The following RTL4 variants were observed in gnomAD, a reference collection of about 807,000 sequenced individuals.
RTL4 encodes retrotransposon Gag like 4, also known as retrotransposon Gag-like protein 4.
In RTL4, 4 loss-of-function variants were observed where a neutral mutation model predicts 5.3. The ratio of observed to expected loss-of-function variants is 0.75; its 90% CI spans 0.37 to 1.72. The LOEUF (loss-of-function observed/expected upper bound fraction) is 1.72. RTL4 is among the 40% of genes most tolerant of loss of function. The pLI, the probability that RTL4 is intolerant of heterozygous loss-of-function variation, is 0.04. For missense variants in RTL4, 260 were observed against 227.1 expected, an observed-to-expected ratio of 1.14 and a Z score of -0.93; for synonymous variants, 98 against 87.3, an observed-to-expected ratio of 1.12 and a Z score of -0.68.
chrX:112,144,761 G>A, the RTL4 span, among the ~76,000 whole-genome samples: 2 of 111,593 alleles, frequency 1.8e-5, no homozygotes, highest in Admixed American at 9.5e-5. Context: ...CAGGCCAAAC[G>A]CTCTTCTGTT....
the RTL4 span, among the ~76,000 whole-genome samples, chrX:112,210,751 GA>G: frequency 1.8e-5 from 2 of 111,668 alleles, no homozygotes; most frequent in Non-Finnish European, 3.8e-5. Context: ...CCGTCCAAGG[GA>G]AAAAAGGGGT....
the RTL4 span, among the ~76,000 whole-genome samples, chrX:112,267,166 T>G: frequency 9.0e-6 from 1 of 111,615 alleles, no homozygotes; most frequent in Non-Finnish European, 1.9e-5. Flanking sequence ...GGTTCCCTTC[T>G]TAACAAAACT....
chrX:112,310,802 T>C, the RTL4 span, among the ~76,000 whole-genome samples: 4 of 85,463 alleles, frequency 4.7e-5, no homozygotes, highest in Non-Finnish European at 6.4e-5. Flanking sequence ...TATATAATTC[T>C]ATATTATATA....
chrX:112,146,166 G>T, the RTL4 span, among the ~76,000 whole-genome samples: 1 of 111,647 alleles, frequency 9.0e-6, no homozygotes, highest in African/African-American at 3.3e-5. Flanking sequence ...AGCAATGCAG[G>T]GGGTGAGAAT....
At chrX:112,356,628 T>A in the RTL4 span, among the ~76,000 whole-genome samples, 3 of 109,817 alleles carry the variant, frequency 2.7e-5, no homozygotes, top group African/African-American at 1.0e-4. Flanking sequence ...ATCTCTTCTT[T>A]GAGTATTTTT....
At chrX:112,122,824 C>T in the RTL4 span, among the ~76,000 whole-genome samples, 2 of 110,603 alleles carry the variant, frequency 1.8e-5, no homozygotes, top group African/African-American at 6.6e-5. Context: ...TGTTTATATG[C>T]CTGTATATTG....
At chrX:112,172,889 G>A in the RTL4 span, among the ~76,000 whole-genome samples, 1 of 109,695 alleles carries the variant, frequency 9.1e-6, no homozygotes, top group Admixed American at 9.8e-5. Context: ...ATTATCCTCA[G>A]CAAACTAATG....
At chrX:112,226,759 C>G in the RTL4 span, among the ~76,000 whole-genome samples, 1 of 83,245 alleles carries the variant, frequency 1.2e-5, no homozygotes, top group African/African-American at 5.9e-5. Flanking sequence ...ACTTCGCATC[C>G]TCAATTATTT....
chrX:112,339,702 A>C, the RTL4 span, among the ~76,000 whole-genome samples: 1 of 112,738 alleles, frequency 8.9e-6, no homozygotes, highest in Non-Finnish European at 1.9e-5. Flanking sequence ...TGTGCATTTA[A>C]GTTTTTTTGT....
the RTL4 span, among the ~76,000 whole-genome samples, chrX:112,131,219 C>CTT: frequency 0.036 from 3,582 of 99,421 alleles, 170 homozygotes; most frequent in African/African-American, 0.11. Context: ...ATGTAAATAC[C>CTT]TTTTTTTTTT....
chrX:112,121,866 C>T, the RTL4 span, among the ~76,000 whole-genome samples: 8 of 111,013 alleles, frequency 7.2e-5, no homozygotes, highest in Non-Finnish European at 1.5e-4. Flanking sequence ...ATATAATTCA[C>T]CACATATTAT....
the RTL4 span, among the ~76,000 whole-genome samples, chrX:112,253,498 G>A: frequency 8.9e-6 from 1 of 112,333 alleles, no homozygotes; most frequent in Non-Finnish European, 1.9e-5. Flanking sequence ...AAAACAGAAA[G>A]GCCAGGTTGG....
the RTL4 span, among the ~76,000 whole-genome samples, chrX:112,200,456 A>C: frequency 8.9e-6 from 1 of 112,173 alleles, no homozygotes; most frequent in Admixed American, 9.5e-5. Context: ...GTAGGCTCCC[A>C]ATAAATATTT....
the RTL4 span, among the ~76,000 whole-genome samples, chrX:112,438,766 A>G: frequency 8.9e-6 from 1 of 112,206 alleles, no homozygotes; most frequent in African/African-American, 3.2e-5. Flanking sequence ...AGTCACGATT[A>G]GTTGGTTGTC....
chrX:112,165,818 G>A, the RTL4 span, among the ~76,000 whole-genome samples: 1 of 111,888 alleles, frequency 8.9e-6, no homozygotes, highest in Admixed American at 9.5e-5. Context: ...GGTCCTGAAG[G>A]TGTATTGTGA....
the RTL4 span, among the ~76,000 whole-genome samples, chrX:112,322,271 C>T: frequency 2.6e-3 from 293 of 111,050 alleles, no homozygotes; most frequent in Middle Eastern, 9.4e-3. Context: ...ATTCTTCTTC[C>T]ACCAATTTTA....
the RTL4 span, among the ~76,000 whole-genome samples, chrX:112,201,075 T>G: frequency 9.0e-6 from 1 of 111,477 alleles, no homozygotes; most frequent in African/African-American, 3.3e-5. Flanking sequence ...CGAGGAGACC[T>G]GAGCAAACTT....
the RTL4 span, among the ~76,000 whole-genome samples, chrX:112,321,579 A>C: frequency 2.7e-5 from 3 of 109,202 alleles, no homozygotes; most frequent in Non-Finnish European, 5.7e-5. Context: ...AGAAAGAAGA[A>C]AGACAGACAG....
the RTL4 span, among the ~76,000 whole-genome samples, chrX:112,431,999 C>T: frequency 5.2e-5 from 5 of 96,123 alleles, no homozygotes; most frequent in African/African-American, 1.9e-4. Context: ...TTTGTTCTTG[C>T]GATAGTTTAC....
Sources: allele counts gnomAD v4.1 joint callset (sites outside exome capture counted in the v4.1 genomes callset), GRCh38; gene constraint gnomAD v4.1.1; transcripts MANE v1.5; gene names NCBI Gene and HGNC (gene_info 2026-07-23, HGNC 2026-07-21).